The following GPHN variants were observed in gnomAD, a reference collection of about 807,000 sequenced individuals.
GPHN encodes the protein gephyrin.
In GPHN, 17 loss-of-function variants were observed where a neutral mutation model predicts 95.5. That is an observed-to-expected ratio of 0.18 (90% confidence interval 0.12 to 0.27). The LOEUF (loss-of-function observed/expected upper bound fraction) is 0.27, where lower values mean the gene tolerates loss of function less well. GPHN is among the 10% of genes least tolerant of loss of function. GPHN has a pLI of 1.00. For missense variants in GPHN, 660 were observed against 978.1 expected, an observed-to-expected ratio of 0.67 and a Z score of 4.34; for synonymous variants, 320 against 322.5, an observed-to-expected ratio of 0.99 and a Z score of 0.08.
the GPHN span, chr14:67,562,431 A>G: frequency 1.2e-6 from 2 of 1,613,738 alleles, no homozygotes; most frequent in Non-Finnish European, 1.7e-6. Context: ...CCTCCCCACC[A>G]GCCATGCATG....
At chr14:67,383,199 T>G in the GPHN span, 1 of 1,162,012 alleles carries the variant, frequency 8.6e-7, no homozygotes, top group South Asian at 1.6e-5. Context: ...TGAACAGATA[T>G]GACAGAGTTG....
the GPHN span, among the ~76,000 whole-genome samples, chr14:67,445,577 CTTTTTTTTTTTTTT>C: frequency 3.3e-5 from 2 of 59,924 alleles, no homozygotes; most frequent in Non-Finnish European, 6.0e-5. Context: ...AGAGGCAATT[CTTTTTTTTTTTTTT>C]TTTTTTTTTT....
At chr14:67,727,470 CTTTTTG>C in the GPHN span, 2 of 298,260 alleles carry the variant, frequency 6.7e-6, no homozygotes, top group Non-Finnish European at 1.3e-5. Flanking sequence ...CAGACAGAGG[CTTTTTG>C]TTTTTTTTGT....
the GPHN span, among the ~76,000 whole-genome samples, chr14:67,290,372 T>C: frequency 1.3e-5 from 2 of 152,288 alleles, no homozygotes; most frequent in African/African-American, 4.8e-5. Context: ...GACTCTGATA[T>C]GTGTAAGAAT....
chr14:67,562,111 T>C, the GPHN span: 3 of 1,611,552 alleles, frequency 1.9e-6, no homozygotes, highest in Non-Finnish European at 2.5e-6. Flanking sequence ...GAGCTCTCAA[T>C]GTGACTGTTT....
intron 3 of GPHN, among the ~76,000 whole-genome samples, chr14:66,785,410 G>A (rs1000436376): frequency 9.9e-5 from 15 of 152,078 alleles, no homozygotes; most frequent in Admixed American, 2.0e-4. Context: ...AAAAGCATTA[G>A]TGGCTGTATT....
the GPHN span, chr14:67,733,646 G>T: frequency 2.6e-6 from 2 of 779,018 alleles, no homozygotes; most frequent in African/African-American, 1.7e-5. Context: ...GGCATATATT[G>T]TATTTTATTC....
At chr14:66,908,715 A>G (rs989366167) in intron 5 of GPHN, among the ~76,000 whole-genome samples, 1 of 152,058 alleles carries the variant, frequency 6.6e-6, no homozygotes, top group African/African-American at 2.4e-5. Flanking sequence ...CATTAGTCAG[A>G]TTGATAGCAT....
intron 1 of GPHN, among the ~76,000 whole-genome samples, chr14:66,580,413 A>G (rs2061106646): frequency 6.6e-6 from 1 of 151,858 alleles, no homozygotes; most frequent in Admixed American, 6.6e-5. Context: ...CAACAAAGCT[A>G]AGAGTTGTTT....
the GPHN span, among the ~76,000 whole-genome samples, chr14:67,391,835 T>A: frequency 2.6e-5 from 4 of 152,142 alleles, no homozygotes; most frequent in Admixed American, 1.3e-4. Flanking sequence ...AGGCTTTGAA[T>A]AGGGAGCCTT....
At chr14:66,856,167 C>T (rs893799852) in intron 4 of GPHN, among the ~76,000 whole-genome samples, 48 of 152,026 alleles carry the variant, frequency 3.2e-4, no homozygotes, top group Admixed American at 3.3e-4. Context: ...ACTAACTGTT[C>T]TTTGCTGATG....
intron 2 of GPHN, among the ~76,000 whole-genome samples, chr14:66,735,935 C>A (rs1273561175): frequency 6.6e-6 from 1 of 152,056 alleles, no homozygotes; most frequent in African/African-American, 2.4e-5. Context: ...TAATGATGAT[C>A]TTCCCATTTT....
chr14:67,181,955 G>C (rs925676567), downstream of GPHN, among the ~76,000 whole-genome samples: 2 of 152,176 alleles, frequency 1.3e-5, no homozygotes, highest in Non-Finnish European at 2.9e-5. Flanking sequence ...AATATGTGGG[G>C]AAAAATGTGA....
chr14:66,790,791 C>A (rs2059943759), intron 3 of GPHN, among the ~76,000 whole-genome samples: 1 of 152,196 alleles, frequency 6.6e-6, no homozygotes, highest in Admixed American at 6.5e-5. Context: ...GTTCAGGCAG[C>A]CACTTGTCAG....
chr14:67,212,011 A>T, the GPHN span, among the ~76,000 whole-genome samples: 3 of 152,144 alleles, frequency 2.0e-5, no homozygotes, highest in Non-Finnish European at 4.4e-5. Flanking sequence ...AGACCTTTTC[A>T]TGTTTCTTAT....
the GPHN span, chr14:67,349,074 C>A: frequency 3.7e-4 from 605 of 1,614,056 alleles, 3 homozygotes; most frequent in East Asian, 0.012. Context: ...TCTTCACTTG[C>A]GCTTTATTGA....
chr14:67,573,898 T>C, the GPHN span: 1 of 1,589,926 alleles, frequency 6.3e-7, no homozygotes, highest in Non-Finnish European at 8.6e-7. This position sits in a 1 kb window ranked among gnomAD's most constrained non-coding sequence, Gnocchi z 4.8. Context: ...GTGAGCACGC[T>C]CCTGGCTGCT....
chr14:67,315,268 ATTTTTTTTTTT>A, the GPHN span, among the ~76,000 whole-genome samples: 5 of 101,592 alleles, frequency 4.9e-5, no homozygotes, highest in African/African-American at 9.0e-5. Context: ...CTTATTTTTA[ATTTTTTTTTTT>A]TTTTTTTTTT....
downstream of GPHN, among the ~76,000 whole-genome samples, chr14:67,184,595 T>C (rs140457071): frequency 6.4e-4 from 97 of 152,282 alleles, 1 homozygote; most frequent in East Asian, 0.019. Flanking sequence ...CTTGGCTGAC[T>C]GAGAAAATGT....
Sources: allele counts gnomAD v4.1 joint callset (sites outside exome capture counted in the v4.1 genomes callset), GRCh38; gene constraint gnomAD v4.1.1; non-coding constraint Gnocchi (gnomAD v3.1); transcripts MANE v1.5; gene names NCBI Gene and HGNC (gene_info 2026-07-23, HGNC 2026-07-21).